NRXN3: variants seen among roughly 807,000 people sequenced by gnomAD.
NRXN3 encodes neurexin III.
NRXN3 carries 32 observed loss-of-function variants against 137.6 expected under a neutral mutation model. That is an observed-to-expected ratio of 0.23 (90% CI 0.18 to 0.31). The LOEUF (loss-of-function observed/expected upper bound fraction) is 0.31. NRXN3 is among the 10% of genes least tolerant of loss of function. The probability of loss-of-function intolerance (pLI) is 1.00; values close to 1 mark genes in which losing one functional copy is unlikely to be tolerated. For missense variants in NRXN3, 1,574 were observed against 2,062.5 expected (o/e 0.76, Z 4.59); for synonymous variants, 798 against 784.5 (o/e 1.02, Z -0.29).
chr14:79,162,346 T>C (rs977789556), intron 15 of NRXN3, among the ~76,000 whole-genome samples: 15 of 143,582 alleles, frequency 1.0e-4, no homozygotes, highest in Non-Finnish European at 1.8e-4. Context: ...CCTGTGTCCA[T>C]GTGTTCTCAT....
At chr14:78,603,409 C>T (rs943041961) in intron 4 of NRXN3, among the ~76,000 whole-genome samples, 3 of 152,204 alleles carry the variant, frequency 2.0e-5, no homozygotes, top group Non-Finnish European at 2.9e-5. Context: ...CTGCCTTGTC[C>T]TCTGAGGGAT....
intron 8 of NRXN3, among the ~76,000 whole-genome samples, chr14:78,789,665 G>A (rs931437643): frequency 2.0e-5 from 3 of 152,116 alleles, no homozygotes; most frequent in Non-Finnish European, 4.4e-5. Flanking sequence ...CTTTGCACCC[G>A]CCTAATAACT....
chr14:78,609,185 C>A (rs577366587), intron 4 of NRXN3, among the ~76,000 whole-genome samples: 2 of 151,716 alleles, frequency 1.3e-5, no homozygotes, highest in Non-Finnish European at 2.9e-5. Context: ...GGAAGAGAAT[C>A]ATGTGATCCT....
At position 79,000,951 on chromosome 14, in the gene NRXN3, T is replaced by TATTG. The variant is rs1217534861; in HGVS notation, c.3262+12811_3262+12814dup. Among the ~76,000 whole-genome samples the TATTG allele has an allele frequency of 2.6e-5, 4 of 152,344 alleles. No homozygotes were observed. The South Asian group carries it at 6.2e-4, about 24-fold the overall frequency. On this transcript the variant is annotated intron_variant, in intron 15 of 20. Coordinates refer to ENST00000335750, the MANE Select transcript of NRXN3 (RefSeq NM_001330195.2). The stretch of plus-strand genomic sequence containing the variant: ...AATTTGCATTTGGATTCCTTTAGCA[T>TATTG]ATTGTCCTATTATATAAAGTTTAAT...
At chr14:79,233,265 A>T (rs545224523) in intron 15 of NRXN3, among the ~76,000 whole-genome samples, 13 of 152,156 alleles carry the variant, frequency 8.5e-5, no homozygotes, top group African/African-American at 2.9e-4. Flanking sequence ...TCCCTAGCTC[A>T]TTACTACATT....
chr14:79,219,080 T>C (rs2069048547), intron 15 of NRXN3, among the ~76,000 whole-genome samples: 1 of 152,142 alleles, frequency 6.6e-6, no homozygotes, highest in African/African-American at 2.4e-5. Flanking sequence ...GTCTATTTTT[T>C]AAAAGTATAT....
intron 15 of NRXN3, among the ~76,000 whole-genome samples, chr14:79,365,725 C>CCAAAAAAAAAAA: frequency 2.4e-5 from 1 of 42,408 alleles, no homozygotes; most frequent in Admixed American, 3.7e-4. Context: ...GACTCTGTCT[C>CCAAAAAAAAAAA]AAAAAAAAAA....
At chr14:78,184,449 A>G (rs1201279084) in intron 1 of NRXN3, among the ~76,000 whole-genome samples, 2 of 152,220 alleles carry the variant, frequency 1.3e-5, no homozygotes, top group East Asian at 1.9e-4. Context: ...GAGGGAAGGA[A>G]ACACTGCAGG....
At chr14:79,825,683 C>T (rs2099295454) in intron 20 of NRXN3, among the ~76,000 whole-genome samples, 1 of 152,304 alleles carries the variant, frequency 6.6e-6, no homozygotes, top group Admixed American at 6.5e-5. Context: ...AAACTGACTA[C>T]TCTCTGAATA....
chr14:79,600,358 G>C (rs138950652), intron 16 of NRXN3, among the ~76,000 whole-genome samples: 392 of 152,262 alleles, frequency 2.6e-3, no homozygotes, highest in African/African-American at 9.0e-3. Flanking sequence ...TCTCTGAATG[G>C]AAGAAAGTGT....
intron 15 of NRXN3, among the ~76,000 whole-genome samples, chr14:79,054,420 C>A (rs1787339276): frequency 6.6e-6 from 1 of 152,110 alleles, no homozygotes; most frequent in South Asian, 2.1e-4. Flanking sequence ...TCTAGAGCTT[C>A]CTTGATGACC....
intron 19 of NRXN3, among the ~76,000 whole-genome samples, chr14:79,706,047 A>G (rs1337021587): frequency 6.6e-6 from 1 of 152,146 alleles, no homozygotes; most frequent in African/African-American, 2.4e-5. Flanking sequence ...TTACAGGCTG[A>G]ATCCAAGCCC....
chr14:79,382,985 G>A (rs542158327), intron 15 of NRXN3, among the ~76,000 whole-genome samples: 1 of 151,504 alleles, frequency 6.6e-6, no homozygotes, highest in Non-Finnish European at 1.5e-5. Context: ...AGAGATGAGA[G>A]GTGTGTGGGT....
At chr14:79,353,626 TACTA>T (rs1355761960) in intron 15 of NRXN3, among the ~76,000 whole-genome samples, 3 of 152,192 alleles carry the variant, frequency 2.0e-5, no homozygotes, top group Non-Finnish European at 4.4e-5. Flanking sequence ...ATATTGCTGT[TACTA>T]ATAAGTATGA....
chr14:78,292,150 T>C (rs1290036916), intron 3 of NRXN3, among the ~76,000 whole-genome samples: 1 of 152,214 alleles, frequency 6.6e-6, no homozygotes, highest in Non-Finnish European at 1.5e-5. Context: ...TTCTATTCTC[T>C]GTATTAGTCA....
At chr14:78,955,069 G>T (rs1300799057) in intron 10 of NRXN3, among the ~76,000 whole-genome samples, 1 of 152,124 alleles carries the variant, frequency 6.6e-6, no homozygotes, top group Non-Finnish European at 1.5e-5. Flanking sequence ...TACAAAAATT[G>T]CCTAAAGAAC....
intron 14 of NRXN3, among the ~76,000 whole-genome samples, chr14:78,976,698 G>C (rs2099467970): frequency 6.6e-6 from 1 of 152,158 alleles, no homozygotes; most frequent in South Asian, 2.1e-4. Context: ...ATAAATTGCA[G>C]TGAACTTCCC....
At chr14:79,092,407 C>G (rs1393164799) in intron 15 of NRXN3, among the ~76,000 whole-genome samples, 1 of 152,182 alleles carries the variant, frequency 6.6e-6, no homozygotes, top group Non-Finnish European at 1.5e-5. Flanking sequence ...AGTCGCCTCT[C>G]AAGTGGGAAC....
At chr14:78,711,311 G>C (rs1195647063) in intron 7 of NRXN3, among the ~76,000 whole-genome samples, 1 of 151,516 alleles carries the variant, frequency 6.6e-6, no homozygotes, top group African/African-American at 2.4e-5. Context: ...AAACAATTTT[G>C]AACAAAGGGG....
Sources: allele counts gnomAD v4.1 joint callset (sites outside exome capture counted in the v4.1 genomes callset), GRCh38; gene constraint gnomAD v4.1.1; transcripts MANE v1.5; gene names NCBI Gene and HGNC (gene_info 2026-07-23, HGNC 2026-07-21).